The following PCSK5 variants were observed in gnomAD, a reference collection of about 807,000 sequenced individuals.
The protein encoded by PCSK5 is prohormone convertase 5.
A neutral mutation model predicts 233.2 loss-of-function variants in PCSK5; 129 were observed. The observed-to-expected ratio is 0.55, with a 90% CI of 0.48 to 0.64. The LOEUF is 0.64. PCSK5 is among the 30% of genes least tolerant of loss of function. PCSK5 has a pLI of 0.00. For synonymous variants in PCSK5, 825 were observed against 879.2 expected (o/e 0.94, Z 1.09); for missense variants, 2,076 against 2,430.1 (o/e 0.85, Z 3.06).
At chr9:76,058,323 T>C (rs1195247342) in intron 5 of PCSK5, among the ~76,000 whole-genome samples, 1 of 152,086 alleles carries the variant, frequency 6.6e-6, no homozygotes, top group Non-Finnish European at 1.5e-5. Context: ...GTGGGATGAG[T>C]GAGGATTCTG....
intron 24 of PCSK5, among the ~76,000 whole-genome samples, chr9:76,280,207 C>G (rs553321098): frequency 2.6e-4 from 40 of 152,218 alleles, no homozygotes; most frequent in African/African-American, 9.6e-4. Flanking sequence ...GCACCATGAA[C>G]CCCACCATGT....
intron 9 of PCSK5, among the ~76,000 whole-genome samples, chr9:76,124,189 G>A (rs1027229499): frequency 6.6e-6 from 1 of 152,108 alleles, no homozygotes; most frequent in African/African-American, 2.4e-5. Flanking sequence ...TAGTTACACG[G>A]CTTTGAGAAA....
At chr9:76,224,912 G>A (rs868735743) in intron 20 of PCSK5, among the ~76,000 whole-genome samples, 7 of 152,194 alleles carry the variant, frequency 4.6e-5, no homozygotes, top group East Asian at 1.9e-4. Context: ...GACTTTGAGC[G>A]CAGACATGAT....
At position 76,347,077 on chromosome 9, in the gene PCSK5, T is replaced by TA. The variant is rs1392057855; in HGVS notation, c.4967-3751_4967-3750insA. ...TCTGCATAAAATTTTATTTTTTCTATTTTTTTTTTCATTTTTGTTTTTTGA... is the reference window on the plus strand; with the variant it reads ...TCTGCATAAAATTTTATTTTTTCTATATTTTTTTTTCATTTTTGTTTTTTGA... On this transcript the variant is annotated intron_variant, in intron 35 of 37. Transcript: ENST00000674117. Among the ~76,000 whole-genome samples the TA allele has an allele frequency of 8.1e-4, 5 of 6,180 alleles. No individual in the cohort carries two copies. In the South Asian group the frequency reaches 0.048, roughly 59 times the overall value. The allele number at this position is 6,180 out of a possible 152,430, so 4.1% of individuals were successfully genotyped here. A position where few individuals can be genotyped will look rare whatever the true frequency, so the allele number is the denominator to read the frequency against.
chr9:76,186,487 A>C (rs1480229080), intron 17 of PCSK5, among the ~76,000 whole-genome samples: 1 of 152,228 alleles, frequency 6.6e-6, no homozygotes, highest in Non-Finnish European at 1.5e-5. Flanking sequence ...TATGTTGTAC[A>C]GCACAGGTCT....
At chr9:75,989,157 C>T (rs1826656303) in intron 3 of PCSK5, among the ~76,000 whole-genome samples, 1 of 152,276 alleles carries the variant, frequency 6.6e-6, no homozygotes, top group African/African-American at 2.4e-5. Flanking sequence ...TCTGGATGCC[C>T]ATCCCCATTG....
intron 31 of PCSK5, among the ~76,000 whole-genome samples, 166 bp downstream of exon 31, chr9:76,321,805 CT>C (rs5898473): frequency 0.22 from 32,737 of 152,006 alleles, 3,701 homozygotes; most frequent in African/African-American, 0.25. Context: ...GAGATACACC[CT>C]TTTCATTATG....
intron 8 of PCSK5, 114 bp downstream of exon 8, chr9:76,096,216 G>C (rs1402026055): frequency 1.0e-4 from 50 of 486,312 alleles, no homozygotes; most frequent in Admixed American, 2.7e-4. Context: ...CACACACACA[G>C]AAGTAATATA....
chr9:76,279,237 T>C (rs1827789700), intron 24 of PCSK5, among the ~76,000 whole-genome samples: 2 of 151,066 alleles, frequency 1.3e-5, no homozygotes, highest in South Asian at 2.1e-4. Context: ...ACATAGGACA[T>C]GAACTCATCA....
chr9:75,946,828 T>C (rs1824596021), intron 2 of PCSK5, among the ~76,000 whole-genome samples: 1 of 152,150 alleles, frequency 6.6e-6, no homozygotes. Context: ...GACCTCGTGA[T>C]CCACCCACCT....
chr9:76,101,106 A>G (rs1831737632), intron 8 of PCSK5, among the ~76,000 whole-genome samples: 1 of 152,118 alleles, frequency 6.6e-6, no homozygotes, highest in African/African-American at 2.4e-5. Context: ...TTCACCTGGT[A>G]GTACATATTT....
At chr9:76,217,187 T>C (rs765247658) in intron 20 of PCSK5, among the ~76,000 whole-genome samples, 3 of 152,210 alleles carry the variant, frequency 2.0e-5, no homozygotes, top group Non-Finnish European at 4.4e-5. Context: ...TATTACCTGA[T>C]ATTAGGCAGG....
At chr9:76,180,677 A>G (rs886625239) in intron 15 of PCSK5, among the ~76,000 whole-genome samples, 2 of 152,086 alleles carry the variant, frequency 1.3e-5, no homozygotes. Context: ...CGGTTCCTCC[A>G]TACTCCAGTC....
intron 3 of PCSK5, among the ~76,000 whole-genome samples, chr9:75,989,591 G>T (rs73650415): frequency 0.024 from 3,718 of 152,236 alleles, 156 homozygotes; most frequent in African/African-American, 0.085. Context: ...GATGTCTGGG[G>T]CTTTAGCTAG....
intron 9 of PCSK5, among the ~76,000 whole-genome samples, chr9:76,118,988 C>CT (rs946913062): frequency 2.0e-5 from 3 of 151,472 alleles, no homozygotes; most frequent in African/African-American, 4.8e-5. Flanking sequence ...TTAAACCAAC[C>CT]TTTTTTTTAA....
At chr9:76,010,630 G>A (rs1827690943) in intron 3 of PCSK5, among the ~76,000 whole-genome samples, 1 of 152,112 alleles carries the variant, frequency 6.6e-6, no homozygotes, top group South Asian at 2.1e-4. Flanking sequence ...TTTCCACTTT[G>A]GAAAGCTCTG....
intron 9 of PCSK5, among the ~76,000 whole-genome samples, chr9:76,119,665 T>C (rs1832558878): frequency 6.6e-6 from 1 of 152,060 alleles, no homozygotes; most frequent in South Asian, 2.1e-4. Flanking sequence ...TATTTTTGCA[T>C]GTACATAGTA....
rs531054174 is a variant in PCSK5 at position 76,077,068 on chromosome 9, C to G, written c.894+5170C>G. ...TAGGGAGAAAAAACAGAAATTCAGCCTAGCCAAAGAAGACAAAACATAGGC... is the reference window on the plus strand; with the variant it reads ...TAGGGAGAAAAAACAGAAATTCAGCGTAGCCAAAGAAGACAAAACATAGGC... On this transcript the variant is annotated intron_variant, in intron 7 of 37. Coordinates refer to ENST00000674117, the MANE Select transcript of PCSK5 (RefSeq NM_001372043.1). 4.1e-3 allele frequency among the ~76,000 whole-genome samples: 621 copies of G among 152,282 alleles called. 2 individuals are homozygous for G. Among genetic ancestry groups the G allele is most frequent in the Non-Finnish European group, 5.7e-3 (390 of 68,006 alleles).
intron 10 of PCSK5, among the ~76,000 whole-genome samples, chr9:76,136,385 T>G (rs1165757237): frequency 1.3e-5 from 2 of 152,042 alleles, no homozygotes; most frequent in African/African-American, 4.8e-5. Context: ...CTATGACTTT[T>G]TATGAAATAA....
Sources: allele counts gnomAD v4.1 joint callset (sites outside exome capture counted in the v4.1 genomes callset), GRCh38; gene constraint gnomAD v4.1.1; transcripts MANE v1.5; gene names NCBI Gene and HGNC (gene_info 2026-07-23, HGNC 2026-07-21).